The following ACO1 variants were observed in gnomAD, a reference collection of about 807,000 sequenced individuals.
ACO1 encodes the protein cytoplasmic aconitate hydratase.
ACO1 carries 78 observed loss-of-function variants against 105.1 expected under a neutral mutation model. The ratio of observed to expected loss-of-function variants is 0.74; its 90% confidence interval spans 0.62 to 0.90. ACO1 has a LOEUF of 0.90. Among genes scored for constraint, ACO1 ranks in the 40% least tolerant of loss-of-function variants. ACO1 has a pLI of 0.00. For synonymous variants in ACO1, 364 were observed against 397.4 expected (o/e 0.92, Z 1.00); for missense variants, 965 against 1,111.1 (o/e 0.87, Z 1.87).
In ACO1 at chr9:32,422,608, A is replaced by C. The variant is rs562392356; in HGVS notation, c.971-711A>C. 3.3e-5 allele frequency among the ~76,000 whole-genome samples: 5 copies of C among 152,270 alleles called. No homozygotes were observed. The East Asian group carries it at 7.7e-4, about 23-fold the overall frequency. ...TATCTCCTACCCCGGGATCTTGATA[A>C]AAGTTAAATAGCAGAGGGTTCAAGG... On this transcript the variant is annotated intron_variant, in intron 8 of 20. Transcript: ENST00000309951.
chr9:32,446,873 G>A (rs914882642), intron 19 of ACO1, among the ~76,000 whole-genome samples: 8 of 152,186 alleles, frequency 5.3e-5, no homozygotes, highest in African/African-American at 9.6e-5. Flanking sequence ...TGAAATTTTC[G>A]GTTGAAAATT....
In ACO1 at chr9:32,417,444, G is replaced by A. The variant is rs139412290; in HGVS notation, c.405-684G>A. On this transcript the variant is annotated intron_variant, in intron 4 of 20. Transcript: ENST00000309951. ...AGCACATTCTGTGTGCTGAATCTGC[G>A]ATCTTGTGACTATGACTTATTCTAC... is the stretch of plus-strand genomic sequence containing the variant. 1.4e-3 allele frequency among the ~76,000 whole-genome samples: 208 copies of A among 152,170 alleles called. 1 individual carries two copies. Among genetic ancestry groups the A allele is most frequent in the African/African-American group, 4.9e-3 (203 of 41,494 alleles).
chr9:32,433,697 G>A, intron 15 of ACO1, 31 bp from the exon 16 acceptor site: 1 of 1,524,226 alleles, frequency 6.6e-7, no homozygotes, highest in Admixed American at 1.9e-5. Flanking sequence ...AATGGGATGT[G>A]ATTAGATCTG....
Position 32,453,472 on chromosome 9 carries a change from C to G in ACO1, c.*3361C>G, listed in dbSNP as rs769472568. 5 of 152,178 alleles carry G rather than the reference C, an allele frequency of 3.3e-5. No homozygotes were observed. The highest frequency in any genetic ancestry group is 7.3e-5 in the Non-Finnish European group (5 of 68,092). 9.4% of individuals were successfully genotyped at this position (152,178 alleles called of 1,614,324 possible). A position where few individuals can be genotyped will look rare whatever the true frequency, so the allele number is the denominator to read the frequency against. On this transcript the variant is annotated 3_prime_UTR_variant, in exon 21 of 21. Transcript: ENST00000309951. The stretch of plus-strand genomic sequence containing the variant: ...CCATTTGCCCCTCCAACCACCCCCC[C>G]ATCCCTCCACCAATCATACCTTCTG...
chr9:32,431,634 A>AC, intron 14 of ACO1, 85 bp from the exon 15 acceptor site: 1 of 1,446,952 alleles, frequency 6.9e-7, no homozygotes, highest in Admixed American at 1.8e-5. Context: ...GAACATAACT[A>AC]CCGAGGAGAA....
chr9:32,425,171 G>T (rs1822060975), intron 10 of ACO1, among the ~76,000 whole-genome samples: 1 of 152,118 alleles, frequency 6.6e-6, no homozygotes, highest in African/African-American at 2.4e-5. Context: ...TACTTTATTT[G>T]CATGTATGAT....
At chr9:32,413,639 T>C (rs1210182992) in intron 4 of ACO1, among the ~76,000 whole-genome samples, 1 of 152,192 alleles carries the variant, frequency 6.6e-6, no homozygotes, top group African/African-American at 2.4e-5. Flanking sequence ...AACTGTGTGC[T>C]GTGGGCTAAT....
chr9:32,413,446 T>G (rs1730956471), intron 4 of ACO1, among the ~76,000 whole-genome samples: 1 of 145,938 alleles, frequency 6.9e-6, no homozygotes, highest in Admixed American at 7.0e-5. Flanking sequence ...ATTGTGCCAC[T>G]GCACTCCAGC....
At chr9:32,385,503 A>G (rs1821140092) in intron 1 of ACO1, among the ~76,000 whole-genome samples, 1 of 152,232 alleles carries the variant, frequency 6.6e-6, no homozygotes, top group Non-Finnish European at 1.5e-5. Flanking sequence ...AGAAATTTGT[A>G]CTATAATAAT....
rs1822432501 is a variant in ACO1, at chr9:32,439,479, T to C, written c.2248-986T>C. Among the ~76,000 whole-genome samples, 1 of 152,212 alleles carries C rather than the reference T, an allele frequency of 6.6e-6. No individual in the cohort carries two copies. Among genetic ancestry groups the C allele is most frequent in the Non-Finnish European group, 1.5e-5 (1 of 68,028 alleles). ...TTTTGAGGAATTTTATCTTCTGACT[T>C]ACATAGCCTGGAAAAATAATGGTAC... On this transcript the variant is annotated intron_variant, in intron 18 of 20. Transcript: ENST00000309951. This position sits in a 1 kb window ranked among gnomAD's most constrained non-coding sequence, Gnocchi z 4.0.
At chr9:32,394,523 C>G (rs979594806) in intron 1 of ACO1, among the ~76,000 whole-genome samples, 1 of 147,160 alleles carries the variant, frequency 6.8e-6, no homozygotes, top group African/African-American at 2.4e-5. Context: ...AGGTCTAATG[C>G]TGCTTTAGTA....
chr9:32,405,444 C>A, intron 1 of ACO1, 41 bp from the exon 2 acceptor site: 2 of 1,223,496 alleles, frequency 1.6e-6, no homozygotes, highest in South Asian at 1.2e-5. Flanking sequence ...AGGTCCCAGA[C>A]CTCTTAAAAA....
intron 4 of ACO1, among the ~76,000 whole-genome samples, chr9:32,412,989 T>C (rs1821772753): frequency 6.6e-6 from 1 of 152,084 alleles, no homozygotes; most frequent in African/African-American, 2.4e-5. Context: ...TGGCTGTTAA[T>C]GCATCTTGAA....
At chr9:32,426,876 C>T (rs763065683) in intron 11 of ACO1, among the ~76,000 whole-genome samples, 2 of 152,072 alleles carry the variant, frequency 1.3e-5, no homozygotes, top group Non-Finnish European at 2.9e-5. Flanking sequence ...CTTGGCTGAC[C>T]GTTCCTTGCC....
chr9:32,398,365 C>A (rs1008301464), intron 1 of ACO1, among the ~76,000 whole-genome samples: 1 of 152,092 alleles, frequency 6.6e-6, no homozygotes, highest in African/African-American at 2.4e-5. Context: ...AGATAAACAT[C>A]ATCACATGGC....
intron 1 of ACO1, among the ~76,000 whole-genome samples, chr9:32,390,255 C>T (rs532929362): frequency 4.8e-4 from 73 of 152,316 alleles, no homozygotes; most frequent in Non-Finnish European, 9.6e-4. Context: ...ACTGTTCTGC[C>T]CTAATGTCAG....
chr9:32,395,781 C>A (rs935089458), intron 1 of ACO1, among the ~76,000 whole-genome samples: 1 of 152,208 alleles, frequency 6.6e-6, no homozygotes, highest in African/African-American at 2.4e-5. Context: ...TCGAAGTTCA[C>A]CAAGACTTTT....
chr9:32,420,698 T>C (rs537654505), intron 7 of ACO1, among the ~76,000 whole-genome samples, 158 bp from the exon 8 acceptor site: 3 of 152,350 alleles, frequency 2.0e-5, no homozygotes, highest in East Asian at 3.9e-4. Context: ...TTAGTTGGCA[T>C]TGTTTTTTAA....
In ACO1 at chr9:32,436,302, G is replaced by A. The variant is rs542689519; in HGVS notation, c.2152G>A (p.Val718Ile). The change falls in exon 18 of 21, where the codon GTC becomes ATC. Residue 718 changes from valine (V) to isoleucine (I), a missense_variant. Transcript: ENST00000309951. ...SYGSRRGNDA[V>I]MARGTFANIR... ...TGGCTCCCGCCGAGGTAATGACGCC[G>A]TCATGGCACGGGGAACATTTGCCAA... The A allele has an allele frequency of 7.6e-5, 123 of 1,614,138 alleles. No homozygotes were observed. Among genetic ancestry groups the A allele is most frequent in the Middle Eastern group, 1.6e-4 (1 of 6,062 alleles).
Sources: gnomAD v4.1 joint callset for allele counts (sites outside exome capture counted in the v4.1 genomes callset) on GRCh38, gnomAD v4.1.1 for gene constraint, Gnocchi (gnomAD v3.1) non-coding constraint, MANE v1.5 for transcripts, NCBI Gene and HGNC (gene_info 2026-07-23, HGNC 2026-07-21) for gene names.